CDH20: variants seen among roughly 807,000 people sequenced by gnomAD.
CDH20 encodes the protein cadherin 20, also known as cadherin-20.
In CDH20, 29 loss-of-function variants were observed where a neutral mutation model predicts 74.2. The ratio of observed to expected loss-of-function variants is 0.39; its 90% CI spans 0.29 to 0.53. The LOEUF is 0.53. Among genes scored for constraint, CDH20 ranks in the 20% least tolerant of loss-of-function variants. CDH20 has a pLI of 0.69. For missense variants in CDH20, 988 were observed against 1,048.3 expected, an observed-to-expected ratio of 0.94 and a Z score of 0.79; for synonymous variants, 469 against 405.4, an observed-to-expected ratio of 1.16 and a Z score of -1.88.
chr18:61,527,278 CT>C (rs1160604206), intron 6 of CDH20, among the ~76,000 whole-genome samples: 1 of 151,570 alleles, frequency 6.6e-6, no homozygotes, highest in East Asian at 1.9e-4. Flanking sequence ...GGCACAGTTT[CT>C]TGAAAAGAAT....
intron 1 of CDH20, among the ~76,000 whole-genome samples, chr18:61,424,502 C>A (rs1340474611): frequency 6.6e-6 from 1 of 152,190 alleles, no homozygotes; most frequent in Non-Finnish European, 1.5e-5. Context: ...AGATACTATA[C>A]CCTTCTCAAT....
chr18:61,436,082 C>T (rs79711260), intron 1 of CDH20, among the ~76,000 whole-genome samples: 11,281 of 152,140 alleles, frequency 0.074, 584 homozygotes, highest in South Asian at 0.13. Flanking sequence ...TCATCTGTGT[C>T]GTAGCACATT....
At chr18:61,451,609 T>C (rs1007659919) in intron 1 of CDH20, among the ~76,000 whole-genome samples, 3 of 152,134 alleles carry the variant, frequency 2.0e-5, no homozygotes, top group African/African-American at 7.2e-5. Flanking sequence ...ATTAATAATT[T>C]ATACAAGGGT....
At chr18:61,351,357 G>A (rs1248926250) in intron 1 of CDH20, among the ~76,000 whole-genome samples, 1 of 152,094 alleles carries the variant, frequency 6.6e-6, no homozygotes, top group Non-Finnish European at 1.5e-5. Context: ...GTTGCAGTCT[G>A]GTTGACTTTA....
At chr18:61,521,050 A>G (rs1415754191) in intron 6 of CDH20, among the ~76,000 whole-genome samples, 1 of 150,660 alleles carries the variant, frequency 6.6e-6, no homozygotes, top group Non-Finnish European at 1.5e-5. Context: ...AAAAGCTAGC[A>G]GAAGACAAGA....
intron 1 of CDH20, among the ~76,000 whole-genome samples, chr18:61,341,905 C>A (rs898028338): frequency 1.3e-5 from 2 of 152,132 alleles, no homozygotes; most frequent in Admixed American, 6.5e-5. Flanking sequence ...TTAGCTGATA[C>A]CCTCATCTCC....
intron 1 of CDH20, among the ~76,000 whole-genome samples, chr18:61,471,831 A>G (rs1286166426): frequency 6.6e-6 from 1 of 152,192 alleles, no homozygotes; most frequent in Non-Finnish European, 1.5e-5. Flanking sequence ...CAATAATTTG[A>G]AAGAGAAGCT....
In CDH20 at chr18:61,539,024, A is replaced by G. The variant is rs1357456548; in HGVS notation, c.1409A>G (p.Asn470Ser). 1 of 1,613,774 alleles carries G rather than the reference A, an allele frequency of 6.2e-7. No individual in the cohort carries two copies. The highest frequency in any genetic ancestry group is 8.5e-7 in the Non-Finnish European group (1 of 1,179,916). Residue 470 changes from asparagine (N) to serine (S), a missense_variant and splice_region_variant, in exon 9 of 12, where the codon AAC becomes AGC. By Grantham distance (46) the Asn-to-Ser change is conservative. Transcript: ENST00000262717. Reference sequence around the variant, plus strand: ...TTGGTTTTCCTTGTGTTCCCTTTAGACAATCCCTCCCAGGTTGGAAGTGTT... The same window carrying G: ...TTGGTTTTCCTTGTGTTCCCTTTAGGCAATCCCTCCCAGGTTGGAAGTGTT... ...HNITVLAMEM[N>S]NPSQVGSVPV...
chr18:61,512,916 C>T (rs778668571), intron 6 of CDH20, among the ~76,000 whole-genome samples: 2 of 152,048 alleles, frequency 1.3e-5, no homozygotes, highest in Admixed American at 6.5e-5. Flanking sequence ...GAGAGCTTTA[C>T]GGCCAACTAT....
intron 1 of CDH20, among the ~76,000 whole-genome samples, chr18:61,373,430 C>A (rs983245815): frequency 3.3e-5 from 5 of 152,012 alleles, no homozygotes; most frequent in African/African-American, 1.2e-4. Flanking sequence ...ACCTAACTGC[C>A]AGAAATGCAT....
intron 1 of CDH20, among the ~76,000 whole-genome samples, chr18:61,465,698 G>A (rs1909936973): frequency 6.6e-6 from 1 of 151,978 alleles, no homozygotes. Flanking sequence ...AAGCAAGAAG[G>A]TCAACAGCAT....
intron 1 of CDH20, among the ~76,000 whole-genome samples, chr18:61,413,334 C>T (rs558937646): frequency 1.5e-4 from 23 of 152,244 alleles, no homozygotes; most frequent in African/African-American, 5.3e-4. Flanking sequence ...GGAATGCAAT[C>T]ATTCTACAAA....
At chr18:61,553,471 G>C (rs1913505749) in intron 11 of CDH20, among the ~76,000 whole-genome samples, 1 of 152,080 alleles carries the variant, frequency 6.6e-6, no homozygotes, top group Admixed American at 6.6e-5. Context: ...GTGTTTCTTT[G>C]ATAACATGAT....
chr18:61,465,857 G>C (rs1909943235), intron 1 of CDH20, among the ~76,000 whole-genome samples: 1 of 151,486 alleles, frequency 6.6e-6, no homozygotes, highest in Non-Finnish European at 1.5e-5. Flanking sequence ...ACAATATAAG[G>C]CTCCGACCTG....
intron 1 of CDH20, among the ~76,000 whole-genome samples, chr18:61,460,746 T>A (rs764392189): frequency 5.9e-5 from 9 of 152,230 alleles, no homozygotes; most frequent in Non-Finnish European, 1.3e-4. Context: ...ATTTATTGCA[T>A]AAGCTGTTTT....
intron 1 of CDH20, among the ~76,000 whole-genome samples, chr18:61,339,126 G>C (rs1478571948): frequency 1.3e-5 from 2 of 152,032 alleles, no homozygotes; most frequent in African/African-American, 2.4e-5. Context: ...TGGACGTGAG[G>C]GGGGTGAGAA....
intron 1 of CDH20, among the ~76,000 whole-genome samples, chr18:61,351,063 T>A (rs1568105816): frequency 6.6e-6 from 1 of 152,188 alleles, no homozygotes; most frequent in Non-Finnish European, 1.5e-5. Flanking sequence ...ATTCTTGTAG[T>A]TTGATGGCAC....
At chr18:61,498,153 A>G (rs1264434547) in intron 2 of CDH20, among the ~76,000 whole-genome samples, 2 of 152,196 alleles carry the variant, frequency 1.3e-5, no homozygotes, top group Non-Finnish European at 2.9e-5. Flanking sequence ...TAATCCCAGC[A>G]CTTTGGGAGG....
intron 6 of CDH20, among the ~76,000 whole-genome samples, chr18:61,523,036 T>C (rs957818547): frequency 3.9e-5 from 6 of 152,088 alleles, no homozygotes; most frequent in Admixed American, 1.3e-4. Context: ...CCAAAAGCAA[T>C]GGCAACAAAA....
Sources: gnomAD v4.1 joint callset for allele counts (sites outside exome capture counted in the v4.1 genomes callset) on GRCh38, gnomAD v4.1.1 for gene constraint, MANE v1.5 for transcripts, NCBI Gene and HGNC (gene_info 2026-07-23, HGNC 2026-07-21) for gene names.